Variants in CDH13 observed in about 807,000 individuals in gnomAD.
CDH13 encodes cadherin 13, also known as cadherin-13.
A neutral mutation model predicts 63.8 loss-of-function variants in CDH13; 24 were observed. The ratio of observed to expected loss-of-function variants is 0.38; its 90% confidence interval spans 0.27 to 0.53. The LOEUF (loss-of-function observed/expected upper bound fraction) is 0.53. Ranked by LOEUF, CDH13 falls within the 20% of genes least tolerant of loss-of-function variation. The probability of loss-of-function intolerance (pLI) is 0.85; values close to 1 mark genes in which losing one functional copy is unlikely to be tolerated. For synonymous variants in CDH13, 503 were observed against 355.3 expected, an observed-to-expected ratio of 1.42 and a Z score of -4.67; for missense variants, 1,049 against 903.1, an observed-to-expected ratio of 1.16 and a Z score of -2.07.
At chr16:82,990,686 A>T (rs1911555933) in intron 2 of CDH13, among the ~76,000 whole-genome samples, 1 of 151,910 alleles carries the variant, frequency 6.6e-6, no homozygotes, top group Non-Finnish European at 1.5e-5. Context: ...AGCTAGAATT[A>T]CAGGTGCATG....
intron 1 of CDH13, among the ~76,000 whole-genome samples, chr16:82,665,237 G>A (rs1026009978): frequency 6.6e-6 from 1 of 152,154 alleles, no homozygotes; most frequent in Non-Finnish European, 1.5e-5. Flanking sequence ...CAAGTGGACT[G>A]CAGAGTGCTC....
In CDH13 at chr16:82,923,048, T is replaced by C. The variant is rs2042203244; in HGVS notation, c.157+64575T>C. On this transcript the variant is annotated intron_variant, in intron 2 of 13. Coordinates refer to ENST00000567109, the MANE Select transcript of CDH13 (RefSeq NM_001257.5). ...TAGAAAGTATATACCTTAAAGAACATTTTATTGCAAAAAAAATGTTGACAT... is the reference window on the plus strand; with the variant it reads ...TAGAAAGTATATACCTTAAAGAACACTTTATTGCAAAAAAAATGTTGACAT... Among the ~76,000 whole-genome samples the C allele has an allele frequency of 3.3e-5, 5 of 152,274 alleles. No individual in the cohort carries two copies. The South Asian group carries it at 1.0e-3, about 32-fold the overall frequency.
chr16:83,013,422 C>A (rs1040777330), intron 2 of CDH13, among the ~76,000 whole-genome samples: 2 of 152,154 alleles, frequency 1.3e-5, no homozygotes, highest in African/African-American at 4.8e-5. Flanking sequence ...GTTAGCAGAG[C>A]AGCCTTCTTT....
intron 7 of CDH13, among the ~76,000 whole-genome samples, chr16:83,551,319 G>A (rs547696751): frequency 2.3e-4 from 35 of 152,042 alleles, no homozygotes; most frequent in African/African-American, 7.5e-4. Context: ...CACCTGCCTC[G>A]GCCTCCCATA....
intron 5 of CDH13, among the ~76,000 whole-genome samples, chr16:83,232,048 A>C (rs2040010530): frequency 6.6e-6 from 1 of 152,098 alleles, no homozygotes; most frequent in South Asian, 2.1e-4. Flanking sequence ...CGGGCTTTTC[A>C]GAGGGTAGAG....
At chr16:82,781,105 G>A (rs67501551) in intron 1 of CDH13, among the ~76,000 whole-genome samples, 24,368 of 152,210 alleles carry the variant, frequency 0.16, 2,417 homozygotes, top group East Asian at 0.51. Flanking sequence ...TCTGAAGTTT[G>A]CCTCTAGGTT....
intron 2 of CDH13, among the ~76,000 whole-genome samples, chr16:83,030,178 T>TGA (rs1916174937): frequency 6.6e-6 from 1 of 152,130 alleles, no homozygotes; most frequent in Non-Finnish European, 1.5e-5. Context: ...GGCAGGAACT[T>TGA]TGCTCACATC....
chr16:83,471,526 G>C (rs143342173), intron 6 of CDH13, among the ~76,000 whole-genome samples: 3,816 of 152,060 alleles, frequency 0.025, 164 homozygotes, highest in African/African-American at 0.086. Context: ...CACCCGCCTC[G>C]GCCTCCCAAA....
intron 1 of CDH13, among the ~76,000 whole-genome samples, chr16:82,807,548 G>A (rs1263187712): frequency 7.2e-6 from 1 of 139,234 alleles, no homozygotes; most frequent in African/African-American, 2.5e-5. Context: ...AACCATCTGG[G>A]TAAAAATGAC....
chr16:83,169,337 C>A (rs968358934), intron 4 of CDH13, among the ~76,000 whole-genome samples: 8 of 151,934 alleles, frequency 5.3e-5, no homozygotes, highest in African/African-American at 1.9e-4. Flanking sequence ...CCACCACACC[C>A]AGCTATTTTT....
intron 8 of CDH13, among the ~76,000 whole-genome samples, chr16:83,611,733 C>T (rs1263767554): frequency 1.3e-5 from 2 of 151,946 alleles, no homozygotes; most frequent in Non-Finnish European, 2.9e-5. Flanking sequence ...CATTATCATT[C>T]AGATCAAAAA....
chr16:82,725,781 A>C (rs1352609839), intron 1 of CDH13, among the ~76,000 whole-genome samples: 1 of 152,136 alleles, frequency 6.6e-6, no homozygotes, highest in African/African-American at 2.4e-5. Context: ...TTCTTTTTTA[A>C]TGAATATGAT....
chr16:83,636,960 T>C (rs1469870513), intron 8 of CDH13, among the ~76,000 whole-genome samples: 3 of 152,202 alleles, frequency 2.0e-5, no homozygotes, highest in Admixed American at 6.5e-5. Flanking sequence ...TTCCAACTGG[T>C]GTGAGATGGT....
At chr16:83,572,447 C>T (rs1314515133) in intron 7 of CDH13, among the ~76,000 whole-genome samples, 1 of 152,064 alleles carries the variant, frequency 6.6e-6, no homozygotes, top group South Asian at 2.1e-4. Context: ...GCCTTTTGTT[C>T]CACTTTCTAA....
intron 7 of CDH13, among the ~76,000 whole-genome samples, chr16:83,601,734 G>A (rs1288939059): frequency 1.3e-5 from 2 of 152,118 alleles, no homozygotes; most frequent in Non-Finnish European, 2.9e-5. Flanking sequence ...CATCATCAAA[G>A]GTAACCTCAT....
At chr16:82,667,855 T>A (rs896665113) in intron 1 of CDH13, among the ~76,000 whole-genome samples, 1 of 152,178 alleles carries the variant, frequency 6.6e-6, no homozygotes, top group Admixed American at 6.5e-5. Flanking sequence ...AGGGAGCCTT[T>A]TCAATCTTCT....
intron 2 of CDH13, among the ~76,000 whole-genome samples, chr16:82,885,213 T>G (rs1022088793): frequency 1.3e-5 from 2 of 152,228 alleles, no homozygotes; most frequent in African/African-American, 4.8e-5. Flanking sequence ...TGTAAGTAAT[T>G]TTAATGTAAA....
intron 5 of CDH13, among the ~76,000 whole-genome samples, chr16:83,247,483 C>T (rs1905088975): frequency 1.1e-5 from 1 of 92,168 alleles, no homozygotes; most frequent in African/African-American, 4.2e-5. Flanking sequence ...GGATGAAGCC[C>T]ATGCTGTCAC....
chr16:83,484,825 G>A lies in CDH13; in HGVS notation c.782-1652G>A, dbSNP rs2073850279. 2.0e-5 allele frequency among the ~76,000 whole-genome samples: 3 copies of A among 152,318 alleles called. No individual in the cohort carries two copies. The East Asian group carries it at 5.8e-4, about 29-fold the overall frequency. ...AAATGGTATCACTATCCCCCTGTGG[G>A]TAAGGAAAGTTAAAACGTGCCACAT... On this transcript the variant is annotated intron_variant, in intron 6 of 13. Coordinates refer to ENST00000567109, the MANE Select transcript of CDH13 (RefSeq NM_001257.5).
Sources: allele counts gnomAD v4.1 joint callset (sites outside exome capture counted in the v4.1 genomes callset), GRCh38; gene constraint gnomAD v4.1.1; transcripts MANE v1.5; gene names NCBI Gene and HGNC (gene_info 2026-07-23, HGNC 2026-07-21).